The following NME7 variants were observed in gnomAD, a reference collection of about 807,000 sequenced individuals.
NME7 encodes the protein NME/NM23 family member 7.
In NME7, 41 loss-of-function variants were observed where a neutral mutation model predicts 49.1. The ratio of observed to expected loss-of-function variants is 0.83; its 90% CI spans 0.65 to 1.08. The LOEUF (loss-of-function observed/expected upper bound fraction) is 1.08. Ranked by LOEUF, NME7 falls within the 50% of genes least tolerant of loss-of-function variation. The pLI is 0.00. For synonymous variants in NME7, 139 were observed against 150.6 expected (o/e 0.92, Z 0.56); for missense variants, 423 against 463.4 (o/e 0.91, Z 0.80).
intron 10 of NME7, among the ~76,000 whole-genome samples, chr1:169,207,598 A>C (rs964730956): frequency 2.0e-5 from 3 of 152,202 alleles, no homozygotes; most frequent in African/African-American, 4.8e-5. Flanking sequence ...TTTTTTTCCA[A>C]ATTCCTTTAA....
intron 1 of NME7, among the ~76,000 whole-genome samples, chr1:169,353,721 C>T (rs1012955370): frequency 6.6e-6 from 1 of 152,046 alleles, no homozygotes. Flanking sequence ...ATCTAATAAT[C>T]TGACTAAAAA....
chr1:169,164,079 C>A (rs148406532), intron 11 of NME7, among the ~76,000 whole-genome samples: 2,173 of 149,522 alleles, frequency 0.015, 56 homozygotes, highest in African/African-American at 0.05. Flanking sequence ...CACTGCACTC[C>A]AGCCTGGGCA....
At chr1:169,325,068 T>C (rs1046889317) in intron 1 of NME7, among the ~76,000 whole-genome samples, 6 of 151,944 alleles carry the variant, frequency 3.9e-5, no homozygotes, top group Admixed American at 1.3e-4. Flanking sequence ...GAAGACAAGA[T>C]TGAACATACA....
In NME7 at chr1:169,275,079, T is replaced by C. The variant is rs895526168; in HGVS notation, c.754+12224A>G. ...AGGCAGTATGGCCATTTTCACGATA[T>C]TGATTCTTCCCACCCATGAGCATGG... On this transcript the variant is annotated intron_variant, in intron 7 of 11. Transcript: ENST00000367811. 3.2e-4 allele frequency among the ~76,000 whole-genome samples: 43 copies of C among 133,166 alleles called. 6 individuals are homozygous for C. The highest frequency in any genetic ancestry group is 1.1e-3 in the African/African-American group (43 of 39,478). 87.4% of individuals were successfully genotyped at this position (133,166 alleles called of 152,430 possible). A position where few individuals can be genotyped will look rare whatever the true frequency, so the allele number is the denominator to read the frequency against.
intron 10 of NME7, among the ~76,000 whole-genome samples, chr1:169,228,683 CAAAAAAAAAA>C (rs747705690): frequency 2.2e-5 from 2 of 90,426 alleles, no homozygotes; most frequent in Non-Finnish European, 4.1e-5. Context: ...GACTCCGTCT[CAAAAAAAAAA>C]AAAAAAAAAA....
chr1:169,227,347 C>G (rs2101814477), intron 10 of NME7, among the ~76,000 whole-genome samples: 1 of 152,268 alleles, frequency 6.6e-6, no homozygotes, highest in Admixed American at 6.5e-5. Context: ...AAGATAAGTT[C>G]TAATTCCTTA....
intron 1 of NME7, among the ~76,000 whole-genome samples, chr1:169,328,513 C>T (rs982739073): frequency 1.3e-5 from 2 of 151,874 alleles, no homozygotes; most frequent in Non-Finnish European, 2.9e-5. Flanking sequence ...GCCTCAGCTG[C>T]AACTAACCCT....
At chr1:169,162,726 C>T (rs1431541178) in intron 11 of NME7, among the ~76,000 whole-genome samples, 1 of 152,086 alleles carries the variant, frequency 6.6e-6, no homozygotes, top group Admixed American at 6.5e-5. Flanking sequence ...ATAGTCCTAG[C>T]CTCTCAGGAG....
chr1:169,362,188 A>G (rs1331580456), intron 1 of NME7, among the ~76,000 whole-genome samples: 1 of 152,226 alleles, frequency 6.6e-6, no homozygotes, highest in Admixed American at 6.5e-5. Context: ...AGCCAGGGTG[A>G]TAGAGTGAGA....
intron 10 of NME7, among the ~76,000 whole-genome samples, chr1:169,196,587 A>G (rs1281718765): frequency 6.6e-6 from 1 of 152,232 alleles, no homozygotes; most frequent in Non-Finnish European, 1.5e-5. Context: ...ACCACAGTGT[A>G]GAAAATCATT....
At chr1:169,300,998 G>C (rs926547744) in intron 5 of NME7, among the ~76,000 whole-genome samples, 6 of 152,200 alleles carry the variant, frequency 3.9e-5, no homozygotes, top group African/African-American at 1.4e-4. Flanking sequence ...GAAAACCTAG[G>C]AAACACCATT....
intron 10 of NME7, among the ~76,000 whole-genome samples, chr1:169,207,327 G>C (rs1660699541): frequency 6.6e-6 from 1 of 152,138 alleles, no homozygotes; most frequent in Non-Finnish European, 1.5e-5. Flanking sequence ...GGACCCAAAT[G>C]CCTCCCACTA....
At chr1:169,249,843 G>A (rs917346699) in intron 7 of NME7, among the ~76,000 whole-genome samples, 8 of 152,046 alleles carry the variant, frequency 5.3e-5, no homozygotes, top group African/African-American at 1.9e-4. Flanking sequence ...TGGTCATGGT[G>A]TATTATCTTT....
At chr1:169,245,649 C>G (rs1209792781) in intron 7 of NME7, among the ~76,000 whole-genome samples, 2 of 151,948 alleles carry the variant, frequency 1.3e-5, no homozygotes, top group African/African-American at 2.4e-5. Context: ...CAATTTAAAT[C>G]AAATTGGAAG....
chr1:169,308,227 G>A (rs1651254614), intron 4 of NME7, among the ~76,000 whole-genome samples: 1 of 152,098 alleles, frequency 6.6e-6, no homozygotes, highest in Admixed American at 6.6e-5. Flanking sequence ...GTCATTGTCA[G>A]GGTAAAATGG....
chr1:169,355,263 A>ATT (rs1418277384), intron 1 of NME7, among the ~76,000 whole-genome samples: 8 of 78,886 alleles, frequency 1.0e-4, no homozygotes, highest in Admixed American at 2.1e-4. Context: ...ATCTATATAT[A>ATT]ATATATTGTA....
intron 1 of NME7, among the ~76,000 whole-genome samples, chr1:169,347,164 C>T (rs867218004): frequency 1.3e-5 from 2 of 152,100 alleles, no homozygotes; most frequent in Admixed American, 6.6e-5. Context: ...CATACCCCTG[C>T]GCTCCAGCCT....
chr1:169,185,534 T>C (rs1660041727), intron 10 of NME7, among the ~76,000 whole-genome samples: 1 of 152,194 alleles, frequency 6.6e-6, no homozygotes, highest in Non-Finnish European at 1.5e-5. Context: ...TGCTGTGCTT[T>C]CCCTTAGCTT....
chr1:169,339,876 C>T (rs1652620714), intron 1 of NME7, among the ~76,000 whole-genome samples: 1 of 152,222 alleles, frequency 6.6e-6, no homozygotes, highest in South Asian at 2.1e-4. Flanking sequence ...ACTTCCTCCT[C>T]CTTGCCAGAT....
Sources: allele counts gnomAD v4.1 joint callset (sites outside exome capture counted in the v4.1 genomes callset), GRCh38; gene constraint gnomAD v4.1.1; transcripts MANE v1.5; gene names NCBI Gene and HGNC (gene_info 2026-07-23, HGNC 2026-07-21).